TBC1D5: variants seen among roughly 807,000 people sequenced by gnomAD.
The protein encoded by TBC1D5 is TBC1 domain family member 5, also known as TBC1 domain family, member 5.
In TBC1D5, 75 loss-of-function variants were observed where a neutral mutation model predicts 100.3. The observed-to-expected ratio is 0.75, with a 90% CI of 0.62 to 0.91. The LOEUF (loss-of-function observed/expected upper bound fraction) is 0.91. Ranked by LOEUF, TBC1D5 falls within the 40% of genes least tolerant of loss-of-function variation. The pLI is 0.00. For missense variants in TBC1D5, 910 were observed against 942.4 expected, an observed-to-expected ratio of 0.97 and a Z score of 0.45; for synonymous variants, 323 against 325.6, an observed-to-expected ratio of 0.99 and a Z score of 0.09.
chr3:17,274,190 G>C (rs1412396235), intron 15 of TBC1D5, among the ~76,000 whole-genome samples: 1 of 152,094 alleles, frequency 6.6e-6, no homozygotes, highest in Non-Finnish European at 1.5e-5. Flanking sequence ...TAAATCCTCT[G>C]ATGAAATCCT....
chr3:17,179,966 C>G (rs529775838), intron 19 of TBC1D5, among the ~76,000 whole-genome samples: 70 of 152,304 alleles, frequency 4.6e-4, no homozygotes, highest in Admixed American at 4.4e-3. Flanking sequence ...GCTCACAGAT[C>G]AGACTAGCGT....
chr3:17,668,611 G>A (rs1184740383), intron 1 of TBC1D5, among the ~76,000 whole-genome samples: 1 of 152,082 alleles, frequency 6.6e-6, no homozygotes, highest in Non-Finnish European at 1.5e-5. Context: ...TAGAAGGGAG[G>A]CAATATGCAG....
intron 3 of TBC1D5, among the ~76,000 whole-genome samples, chr3:17,456,132 T>C (rs1314522130): frequency 6.6e-6 from 1 of 152,060 alleles, no homozygotes; most frequent in East Asian, 1.9e-4. Context: ...TCTCCTGACA[T>C]ATGGAAAAAT....
intron 1 of TBC1D5, among the ~76,000 whole-genome samples, chr3:17,635,463 G>A (rs115821163): frequency 0.014 from 2,186 of 151,966 alleles, 30 homozygotes; most frequent in African/African-American, 0.039. Context: ...GGTGGATCAC[G>A]TGAGGTCAGG....
chr3:17,393,847 G>A (rs567109188), intron 8 of TBC1D5, among the ~76,000 whole-genome samples: 3 of 152,146 alleles, frequency 2.0e-5, no homozygotes, highest in South Asian at 2.1e-4. Context: ...AGACTTAAAC[G>A]TAAGACCTAA....
chr3:17,725,042 A>G (rs1157289456), intron 1 of TBC1D5, among the ~76,000 whole-genome samples: 1 of 152,174 alleles, frequency 6.6e-6, no homozygotes, highest in East Asian at 1.9e-4. Context: ...TTTTCCATCA[A>G]TAAATACAGT....
rs569165227 is a variant in TBC1D5, at chr3:17,706,637, G to T, written c.-101+32706C>A. On this transcript the variant is annotated intron_variant, in intron 1 of 21. Coordinates refer to ENST00000253692, the Ensembl canonical transcript of TBC1D5. ...AGCAAGAAAATCAACCGGAGATAAT[G>T]CATGCCTTGTTTTCACCTAATTATA... Among the ~76,000 whole-genome samples the T allele has an allele frequency of 2.1e-4, 32 of 152,016 alleles. No individual in the cohort carries two copies. The South Asian group carries it at 6.4e-3, about 31-fold the overall frequency.
chr3:17,563,069 T>C (rs1023582583), intron 2 of TBC1D5, among the ~76,000 whole-genome samples: 14 of 152,194 alleles, frequency 9.2e-5, no homozygotes, highest in Non-Finnish European at 1.9e-4. Flanking sequence ...ATGTAAATGA[T>C]GAGGGGATAT....
chr3:17,215,780 A>G (rs535922099), intron 17 of TBC1D5, among the ~76,000 whole-genome samples: 1 of 152,182 alleles, frequency 6.6e-6, no homozygotes, highest in Non-Finnish European at 1.5e-5. Context: ...AGCAGCCAGA[A>G]GTAGGAAGAA....
intron 13 of TBC1D5, among the ~76,000 whole-genome samples, chr3:17,310,995 G>T (rs1054976046): frequency 6.6e-6 from 1 of 151,754 alleles, no homozygotes; most frequent in African/African-American, 2.4e-5. Flanking sequence ...GCTATTTTGG[G>T]CTTTCTTCAT....
At chr3:17,447,199 AAAT>A (rs1050182406) in intron 3 of TBC1D5, among the ~76,000 whole-genome samples, 1 of 152,194 alleles carries the variant, frequency 6.6e-6, no homozygotes, top group Non-Finnish European at 1.5e-5. Context: ...GTAAAATGTA[AAAT>A]AATAAAAAAT....
intron 17 of TBC1D5, among the ~76,000 whole-genome samples, chr3:17,231,883 T>C (rs2075452335): frequency 6.6e-6 from 1 of 152,124 alleles, no homozygotes; most frequent in South Asian, 2.1e-4. Context: ...TGCTAGGGTA[T>C]GGGAGGCAGA....
intron 15 of TBC1D5, among the ~76,000 whole-genome samples, chr3:17,283,180 T>G (rs1289539114): frequency 2.6e-5 from 4 of 152,230 alleles, no homozygotes; most frequent in Admixed American, 2.6e-4. Flanking sequence ...GTGGTGTCTG[T>G]TGAACCAAAC....
At chr3:17,341,681 T>C (rs931326390) in intron 13 of TBC1D5, among the ~76,000 whole-genome samples, 1 of 152,200 alleles carries the variant, frequency 6.6e-6, no homozygotes, top group Non-Finnish European at 1.5e-5. Flanking sequence ...CATTTAAATA[T>C]AGTAACACTT....
chr3:17,202,163 G>C (rs1302986907), intron 18 of TBC1D5, among the ~76,000 whole-genome samples: 1 of 152,216 alleles, frequency 6.6e-6, no homozygotes, highest in Non-Finnish European at 1.5e-5. Flanking sequence ...TTGGGAATTA[G>C]AGTAAAGGTC....
At chr3:17,682,532 C>T (rs1415758619) in intron 1 of TBC1D5, among the ~76,000 whole-genome samples, 12 of 151,340 alleles carry the variant, frequency 7.9e-5, no homozygotes. Flanking sequence ...AGAAAACATT[C>T]TTAAAGATAT....
chr3:17,532,006 G>T (rs562707134), intron 2 of TBC1D5, among the ~76,000 whole-genome samples: 1 of 152,150 alleles, frequency 6.6e-6, no homozygotes, highest in Non-Finnish European at 1.5e-5. Context: ...AAACTAAAGA[G>T]CTTCTGAACA....
chr3:17,253,814 A>G (rs2077379139), intron 16 of TBC1D5, among the ~76,000 whole-genome samples: 1 of 152,172 alleles, frequency 6.6e-6, no homozygotes, highest in East Asian at 1.9e-4. Context: ...ATATATCAGT[A>G]TGCTTAACCC....
intron 15 of TBC1D5, among the ~76,000 whole-genome samples, chr3:17,273,804 T>C (rs1229666115): frequency 9.5e-5 from 11 of 115,414 alleles, no homozygotes; most frequent in African/African-American, 3.6e-4. Context: ...CAAAACTCTG[T>C]ATCTCAAAAA....
Sources: gnomAD v4.1 joint callset for allele counts (sites outside exome capture counted in the v4.1 genomes callset) on GRCh38, gnomAD v4.1.1 for gene constraint, MANE v1.5 for transcripts, NCBI Gene and HGNC (gene_info 2026-07-23, HGNC 2026-07-21) for gene names.